Variants in LILRB4 observed in about 807,000 individuals in gnomAD.
LILRB4 encodes the protein leukocyte immunoglobulin like receptor B4.
In LILRB4, 49 loss-of-function variants were observed where a neutral mutation model predicts 55.2. The ratio of observed to expected loss-of-function variants is 0.89; its 90% confidence interval spans 0.71 to 1.13. The LOEUF (loss-of-function observed/expected upper bound fraction) is 1.13. LILRB4 is among the 50% of genes most tolerant of loss of function. LILRB4 has a pLI of 0.00. For synonymous variants in LILRB4, 229 were observed against 213.8 expected, an observed-to-expected ratio of 1.07 and a Z score of -0.62; for missense variants, 590 against 555.2, an observed-to-expected ratio of 1.06 and a Z score of -0.63.
intron 2 of LILRB4, 78 bp from the exon 3 acceptor site, chr19:54,663,676 C>T (rs1320754725): frequency 3.1e-6 from 5 of 1,607,626 alleles, no homozygotes; most frequent in East Asian, 2.2e-5. Context: ...ATGAGGATGA[C>T]GGGGGGGTCC....
At chr19:54,664,326 C>T (rs1039877788) in exon 4 of LILRB4, 8 of 1,614,034 alleles carry the variant, frequency 5.0e-6, no homozygotes, top group Non-Finnish European at 6.8e-6. Context: ...TCCCCTACTG[C>T]ATCTGAGATC....
At position 54,664,460 on chromosome 19, in the gene LILRB4, T is replaced by C. The variant is rs201118199; in HGVS notation, c.630T>C (p.Ser210=). ...CCCACTACCTGCTGTCACACCCCAG[T>C]GACCCCCTGGAGCTCATAGTCTCAG... is the stretch of plus-strand genomic sequence containing the variant. Residue 210 remains serine (S), a synonymous_variant, in exon 4 of 12, where the codon AGT becomes AGC. Coordinates refer to ENST00000430952, the Ensembl canonical transcript of LILRB4. The C allele has an allele frequency of 5.6e-6, 9 of 1,609,402 alleles. No homozygotes were observed. The Admixed American group carries it at 1.3e-4, about 24-fold the overall frequency.
At position 54,665,444 on chromosome 19, in the gene LILRB4, C is replaced by T. The variant is rs1033096194; in HGVS notation, c.757+264C>T. Among the ~76,000 whole-genome samples the T allele has an allele frequency of 6.6e-6, 1 of 151,914 alleles. No individual in the cohort carries two copies. ...TTCCGCAGGGGCCTGTCCGGTCCCACCTGCAGCAGAGACGGTGACCTGGGG... is the reference window on the plus strand; with the variant it reads ...TTCCGCAGGGGCCTGTCCGGTCCCATCTGCAGCAGAGACGGTGACCTGGGG... On this transcript the variant is annotated intron_variant, in intron 6 of 11. Transcript: ENST00000430952. The surrounding 1 kb of genome is among the most constrained non-coding windows in gnomAD (Gnocchi z 5.5).
chr19:54,664,309 C>T (rs2065164055), exon 4 of LILRB4: 1 of 1,614,126 alleles, frequency 6.2e-7, no homozygotes, highest in Non-Finnish European at 8.5e-7. Flanking sequence ...AAGGAGCGGG[C>T]AGCCCATCCC....
In LILRB4 at chr19:54,668,234, T is replaced by C; in HGVS notation, c.*215T>C. 5.4e-6 allele frequency: 3 copies of C among 555,132 alleles called. 1 individual carries two copies. Among genetic ancestry groups the C allele is most frequent in the East Asian group, 2.8e-5 (1 of 35,102 alleles). The allele number at this position is 555,132 out of a possible 1,614,324, so 34.4% of individuals were successfully genotyped here. ...AAGTAGCAGACCTCTCAATTCACAA[T>C]GAGTTAACTGATAAAACAAAACAGA... On this transcript the variant is annotated 3_prime_UTR_variant, in exon 12 of 12. Coordinates refer to ENST00000430952, the Ensembl canonical transcript of LILRB4.
Position 54,666,447 on chromosome 19 carries a change from G to A in LILRB4, c.988+11G>A. 1 of 1,614,100 alleles carries A rather than the reference G, an allele frequency of 6.2e-7. No homozygotes were observed. Among genetic ancestry groups the A allele is most frequent in the East Asian group, 2.2e-5 (1 of 44,890 alleles). The stretch of plus-strand genomic sequence containing the variant: ...AGGGAGAAAACTTCTGTGAGTGAGA[G>A]GCAGAGAAGGTGCACCTGGGGTGGA... On this transcript the variant is annotated intron_variant, in intron 9 of 11. Transcript: ENST00000430952. The surrounding 1 kb of genome is among the most constrained non-coding windows in gnomAD (Gnocchi z 4.8).
rs1327956812 is a variant in LILRB4 at position 54,663,338 on chromosome 19, C to T, written c.35-194C>T. On this transcript the variant is annotated intron_variant, in intron 1 of 11. Transcript: ENST00000430952. Reference sequence around the variant, plus strand: ...GCAGGCGCCTGTGGTCCCAGCCACTCGGGAGGCTGAGGCAGGAGAATGGCG... The same window carrying T: ...GCAGGCGCCTGTGGTCCCAGCCACTTGGGAGGCTGAGGCAGGAGAATGGCG... Among the ~76,000 whole-genome samples the T allele has an allele frequency of 3.4e-5, 5 of 147,678 alleles. No homozygotes were observed. The South Asian group carries it at 8.7e-4, about 26-fold the overall frequency.
rs2065249127 is a variant in LILRB4, at chr19:54,666,070, T to C, written c.874+139T>C. ...GTGAGAAAATCTAGAAAGAAGAAAA[T>C]GAATGAGGGAGTAATGGAAGTGCTT... On this transcript the variant is annotated intron_variant, in intron 7 of 11. Transcript: ENST00000430952. The surrounding 1 kb of genome is among the most constrained non-coding windows in gnomAD (Gnocchi z 4.8). 2.3e-6 allele frequency: 3 copies of C among 1,303,746 alleles called. No individual in the cohort carries two copies. The highest frequency in any genetic ancestry group is 3.0e-5 in the African/African-American group (2 of 67,136). 80.8% of individuals were successfully genotyped at this position (1,303,746 alleles called of 1,614,324 possible).
Position 54,666,196 on chromosome 19 carries a change from GTTC to G in LILRB4, c.875-42_875-40del. 1 of 1,525,110 alleles carries G rather than the reference GTTC, an allele frequency of 6.6e-7. No homozygotes were observed. Among genetic ancestry groups the G allele is most frequent in the Non-Finnish European group, 8.8e-7 (1 of 1,132,932 alleles). The allele number at this position is 1,525,110 out of a possible 1,614,324, so 94.5% of individuals were successfully genotyped here. On this transcript the variant is annotated intron_variant, in intron 7 of 11. Coordinates refer to ENST00000430952, the Ensembl canonical transcript of LILRB4. The surrounding 1 kb of genome is among the most constrained non-coding windows in gnomAD (Gnocchi z 4.8). The stretch of plus-strand genomic sequence containing the variant: ...TTGACTTGCATGTGCAAGGCAGGTG[GTTC>G]TAACGTTCCCAGAGCTGAGACTCTG...
In LILRB4 at chr19:54,666,643, G is replaced by C. The variant is rs916125216; in HGVS notation, c.989-54G>C. Reference sequence around the variant, plus strand: ...GAACAGGGCAGGGACCAGCAGGAATGAGAGGTCCCAGGGAACCTTCCCAGG... The same window carrying C: ...GAACAGGGCAGGGACCAGCAGGAATCAGAGGTCCCAGGGAACCTTCCCAGG... On this transcript the variant is annotated intron_variant, in intron 9 of 11. Coordinates refer to ENST00000430952, the Ensembl canonical transcript of LILRB4. The surrounding 1 kb of genome is among the most constrained non-coding windows in gnomAD (Gnocchi z 4.8). 6.4e-7 allele frequency: 1 copy of C among 1,572,154 alleles called. No individual in the cohort carries two copies. Among genetic ancestry groups the C allele is most frequent in the Non-Finnish European group, 8.7e-7 (1 of 1,144,874 alleles).
chr19:54,668,375 G>T, exon 12 of LILRB4: 1 of 214,932 alleles, frequency 4.7e-6, no homozygotes. Flanking sequence ...AATTAATAAA[G>T]TCAAAATGTT....
Position 54,666,342 on chromosome 19 carries a change from C to T in LILRB4, c.950+27C>T, listed in dbSNP as rs1336451740. ...TAATTCTGCCCAAAGACCTCAGACT[C>T]CCACCCATCCCAACAGCCACCTCAC... On this transcript the variant is annotated intron_variant, in intron 8 of 11. Coordinates refer to ENST00000430952, the Ensembl canonical transcript of LILRB4. The surrounding 1 kb of genome is among the most constrained non-coding windows in gnomAD (Gnocchi z 4.8). 3 of 1,610,304 alleles carry T rather than the reference C, an allele frequency of 1.9e-6. No individual in the cohort carries two copies. Among genetic ancestry groups the T allele is most frequent in the South Asian group, 1.1e-5 (1 of 90,592 alleles).
chr19:54,664,752 C>T (rs1229648134), intron 4 of LILRB4, 47 bp from the exon 5 acceptor site: 3 of 1,448,462 alleles, frequency 2.1e-6, no homozygotes, highest in East Asian at 2.3e-5. Context: ...ATGTGGAGAC[C>T]CAAGGGCAAC....
At position 54,664,498 on chromosome 19, in the gene LILRB4, AC is replaced by A. The variant is rs1271447912; in HGVS notation, c.655+16del. On this transcript the variant is annotated intron_variant, in intron 4 of 11. Transcript: ENST00000430952. ...CTCATAGTCTCAGGTGAGGCTCCTG[AC>A]CCTGTCCTCTCTGAGCTCAGTGGCT... is the stretch of plus-strand genomic sequence containing the variant. 6.3e-7 allele frequency: 1 copy of A among 1,584,990 alleles called. No individual in the cohort carries two copies. Among genetic ancestry groups the A allele is most frequent in the African/African-American group, 1.3e-5 (1 of 74,406 alleles).
In LILRB4 at chr19:54,663,356, G is replaced by A. The variant is rs1254850583; in HGVS notation, c.35-176G>A. ...AGCCACTCGGGAGGCTGAGGCAGGA[G>A]AATGGCGTGAACCCGGGAGGCGGAG... On this transcript the variant is annotated intron_variant, in intron 1 of 11. Coordinates refer to ENST00000430952, the Ensembl canonical transcript of LILRB4. Among the ~76,000 whole-genome samples the A allele has an allele frequency of 4.1e-5, 6 of 147,874 alleles. No individual in the cohort carries two copies. In the South Asian group the frequency reaches 8.6e-4, roughly 21 times the overall value.
chr19:54,663,290 CA>C (rs530941010), intron 1 of LILRB4, among the ~76,000 whole-genome samples: 1 of 151,624 alleles, frequency 6.6e-6, no homozygotes, highest in Admixed American at 6.6e-5. Context: ...ACTAAAAATA[CA>C]AAAAATTAGC....
intron 4 of LILRB4, 95 bp downstream of exon 4, chr19:54,664,580 C>A: frequency 7.4e-7 from 1 of 1,349,050 alleles, no homozygotes; most frequent in Non-Finnish European, 1.0e-6. Context: ...GAGAGGGGCT[C>A]AGCCAGTGGG....
Position 54,666,811 on chromosome 19 carries a change from G to A in LILRB4, c.1041+62G>A, listed in dbSNP as rs11574577. On this transcript the variant is annotated intron_variant, in intron 10 of 11. Coordinates refer to ENST00000430952, the Ensembl canonical transcript of LILRB4. The surrounding 1 kb of genome is among the most constrained non-coding windows in gnomAD (Gnocchi z 4.8). ...CCTGGTGCCAGATCTAATCCTGCAG[G>A]ACTTCTCTGTCCTCCTTCCCCCGGC... 6,946 of 1,477,730 alleles carry A rather than the reference G, an allele frequency of 4.7e-3. 26 individuals are homozygous for A. The highest frequency in any genetic ancestry group is 0.011 in the Middle Eastern group (56 of 5,080). 91.5% of individuals were successfully genotyped at this position (1,477,730 alleles called of 1,614,324 possible).
At position 54,666,010 on chromosome 19, in the gene LILRB4, A is replaced by G; in HGVS notation, c.874+79A>G. 6.5e-7 allele frequency: 1 copy of G among 1,549,054 alleles called. No individual in the cohort carries two copies. The highest frequency in any genetic ancestry group is 8.8e-7 in the Non-Finnish European group (1 of 1,137,438). On this transcript the variant is annotated intron_variant, in intron 7 of 11. Transcript: ENST00000430952. This position sits in a 1 kb window ranked among gnomAD's most constrained non-coding sequence, Gnocchi z 4.8. ...CAGCCAAAGGGACTCCAGATAGGAG[A>G]GGTCATCTTAGAAACTCTGCTCCAG...
Sources: allele counts gnomAD v4.1 joint callset (sites outside exome capture counted in the v4.1 genomes callset), GRCh38; gene constraint gnomAD v4.1.1; non-coding constraint Gnocchi (gnomAD v3.1); transcripts MANE v1.5; gene names NCBI Gene and HGNC (gene_info 2026-07-23, HGNC 2026-07-21).